KRT8: variants seen among roughly 807,000 people sequenced by gnomAD.
KRT8 encodes keratin 8, also known as keratin, type II cytoskeletal 8.
KRT8 carries 24 observed loss-of-function variants against 43.0 expected under a neutral mutation model. The observed-to-expected ratio is 0.56, with a 90% CI of 0.40 to 0.78. The LOEUF (loss-of-function observed/expected upper bound fraction) is 0.78. Among genes scored for constraint, KRT8 ranks in the 30% least tolerant of loss-of-function variants. The probability of loss-of-function intolerance (pLI) is 0.00; values close to 1 mark genes in which losing one functional copy is unlikely to be tolerated. For missense variants in KRT8, 492 were observed against 638.4 expected (o/e 0.77, Z 2.47); for synonymous variants, 214 against 261.2 (o/e 0.82, Z 1.74).
chr12:52,904,889 G>A, exon 1 of KRT8: 1 of 1,612,864 alleles, frequency 6.2e-7, no homozygotes, highest in Non-Finnish European at 8.5e-7. Flanking sequence ...AGCTGATGCG[G>A]GAACCGGGCC....
exon 5 of KRT8, chr12:52,899,926 T>G: frequency 6.2e-7 from 1 of 1,613,272 alleles, no homozygotes; most frequent in Non-Finnish European, 8.5e-7. Context: ...GCTCTCAGCC[T>G]CAGCCCGGCT....
intron 3 of KRT8, 108 bp from the exon 4 acceptor site, chr12:52,900,791 C>A: frequency 1.3e-6 from 1 of 765,712 alleles, no homozygotes; most frequent in Non-Finnish European, 2.3e-6. Flanking sequence ...TCTAGTTGCC[C>A]ACTTTGTGGA....
At chr12:52,937,490 C>A (rs1942187035) in intron 2 of KRT8, among the ~76,000 whole-genome samples, 1 of 151,802 alleles carries the variant, frequency 6.6e-6, no homozygotes. Flanking sequence ...GAGTTTGAGA[C>A]CAGCCTGGGC....
intron 2 of KRT8, among the ~76,000 whole-genome samples, chr12:52,927,499 C>T (rs1373539248): frequency 1.3e-5 from 2 of 152,194 alleles, no homozygotes; most frequent in Non-Finnish European, 2.9e-5. Flanking sequence ...TAAGGGGTGG[C>T]CATGGCAACA....
At chr12:52,948,426 T>A (rs1942383849) in intron 2 of KRT8, 1 of 152,566 alleles carries the variant, frequency 6.6e-6, no homozygotes, top group Non-Finnish European at 1.5e-5. Context: ...GGCTGCAGGT[T>A]AAGGACAGCT....
chr12:52,903,185 T>G (rs533767188), intron 1 of KRT8, among the ~76,000 whole-genome samples: 2 of 152,330 alleles, frequency 1.3e-5, no homozygotes, highest in Admixed American at 1.3e-4. Flanking sequence ...TAATGGAATG[T>G]GGGCCAAGCA....
intron 2 of KRT8, chr12:52,926,531 C>A: frequency 7.2e-7 from 1 of 1,392,756 alleles, no homozygotes; most frequent in Non-Finnish European, 9.8e-7. Flanking sequence ...CCGGAAGTGG[C>A]CACTCCTATA....
intron 2 of KRT8, among the ~76,000 whole-genome samples, chr12:52,930,282 A>G (rs1452310692): frequency 2.0e-5 from 3 of 151,658 alleles, no homozygotes; most frequent in African/African-American, 7.3e-5. Flanking sequence ...CAATAGCACA[A>G]TCTAGGCTCA....
upstream of KRT8, among the ~76,000 whole-genome samples, chr12:52,909,799 T>TTCTC (rs1443158191): frequency 6.6e-6 from 1 of 152,234 alleles, no homozygotes; most frequent in Admixed American, 6.5e-5. Context: ...TCTGTGAATG[T>TTCTC]TCTCTGGTTT....
chr12:52,926,336 T>TCCCCCCCCCCCCCCCCCCCC, intron 2 of KRT8: 1 of 385,522 alleles, frequency 2.6e-6, no homozygotes, highest in East Asian at 5.4e-5. Context: ...CTAGCTGCCC[T>TCCCCCCCCCCCCCCCCCCCC]CCCCACCCCA....
rs1315396494 is a variant in KRT8 at position 52,926,276 on chromosome 12, A to C, written c.-46-21249T>G. The C allele has an allele frequency of 4.2e-6, 3 of 714,688 alleles. No individual in the cohort carries two copies. In the Admixed American group the frequency reaches 7.3e-5, roughly 17 times the overall value. 44.3% of individuals were successfully genotyped at this position (714,688 alleles called of 1,614,324 possible). ...GAGCTTCCCGTTGCCTTCAGAATAA[A>C]GGTCAAATTCCTCATCTGGTGGCTG... On this transcript the variant is annotated intron_variant, in intron 2 of 6. Transcript: ENST00000546826.
intron 1 of KRT8, 192 bp from the exon 2 acceptor site, chr12:52,902,264 G>A: frequency 3.3e-6 from 2 of 605,638 alleles, no homozygotes; most frequent in East Asian, 2.8e-5. Context: ...GTGAGGTGGG[G>A]AGCAATGTCC....
chr12:52,924,996 A>G (rs1427367645), intron 2 of KRT8, among the ~76,000 whole-genome samples: 2 of 152,226 alleles, frequency 1.3e-5, no homozygotes, highest in Admixed American at 6.5e-5. Flanking sequence ...TGGAAAAGGA[A>G]CAGGGCTGGG....
Position 52,935,400 on chromosome 12 carries a change from A to AAAAG in KRT8, c.-47+14055_-47+14056insCTTT, listed in dbSNP as rs1555189719. Among the ~76,000 whole-genome samples the AAAAG allele has an allele frequency of 1.8e-3, 236 of 134,656 alleles. 14 individuals carry two copies. The highest frequency in any genetic ancestry group is 1.0e-3 in the Non-Finnish European group (66 of 63,944). The allele number at this position is 134,656 out of a possible 152,430, so 88.3% of individuals were successfully genotyped here. A position where few individuals can be genotyped will look rare whatever the true frequency, so the allele number is the denominator to read the frequency against. The stretch of plus-strand genomic sequence containing the variant: ...TCTCAAAAAAAAAAAAAAAAAAAAA[A>AAAAG]AAAAAAAAAAGGCCGGGCACAGTGG... On this transcript the variant is annotated intron_variant, in intron 2 of 6. Coordinates refer to the KRT8 transcript ENST00000546826.
At chr12:52,905,141 T>A, upstream of KRT8, 1 of 1,380,132 alleles carries the variant, frequency 7.2e-7, no homozygotes, top group Non-Finnish European at 9.5e-7. Context: ...CCTGAGTGGC[T>A]AGGCCCAGAG....
rs1385203237 is a variant in KRT8 at position 52,918,168 on chromosome 12, A to AGAAGAG, written c.-46-13147_-46-13142dup. 2.1e-3 allele frequency among the ~76,000 whole-genome samples: 223 copies of AGAAGAG among 105,152 alleles called. 9 individuals carry two copies. The highest frequency in any genetic ancestry group is 8.2e-3 in the African/African-American group (202 of 24,654). The allele number at this position is 105,152 out of a possible 152,430, so 69.0% of individuals were successfully genotyped here. On this transcript the variant is annotated intron_variant, in intron 2 of 6. Coordinates refer to the KRT8 transcript ENST00000546826. ...GAGAGGGAGAAGGGGAAGAAGAAGA[A>AGAAGAG]GAAGAGGAAGAGGAAGAAGAAGAAG...
chr12:52,938,145 T>TATATATATAG, intron 2 of KRT8, among the ~76,000 whole-genome samples: 1 of 31,626 alleles, frequency 3.2e-5, no homozygotes, highest in Non-Finnish European at 6.0e-5. Flanking sequence ...GCTATATATA[T>TATATATATAG]ATATATATAT....
At chr12:52,934,844 C>T (rs1942140366) in intron 2 of KRT8, among the ~76,000 whole-genome samples, 1 of 151,954 alleles carries the variant, frequency 6.6e-6, no homozygotes, top group Non-Finnish European at 1.5e-5. Context: ...TGGCGTATGC[C>T]TGTAATCCCA....
chr12:52,934,522 T>G (rs1294918697), intron 2 of KRT8, among the ~76,000 whole-genome samples: 1 of 152,072 alleles, frequency 6.6e-6, no homozygotes, highest in Non-Finnish European at 1.5e-5. Context: ...ATCAAGCCAT[T>G]GCACTCCAAT....
Sources: allele counts gnomAD v4.1 joint callset (sites outside exome capture counted in the v4.1 genomes callset), GRCh38; gene constraint gnomAD v4.1.1; transcripts MANE v1.5; gene names NCBI Gene and HGNC (gene_info 2026-07-23, HGNC 2026-07-21).